Variants in AAK1 observed in about 807,000 individuals in gnomAD.
AAK1 encodes AP2-associated protein kinase 1.
AAK1 carries 37 observed loss-of-function variants against 116.0 expected under a neutral mutation model. The observed-to-expected ratio is 0.32, with a 90% CI of 0.25 to 0.42. The LOEUF (loss-of-function observed/expected upper bound fraction) is 0.42. Ranked by LOEUF, AAK1 falls within the 10% of genes least tolerant of loss-of-function variation. AAK1 has a pLI of 1.00. For missense variants in AAK1, 919 were observed against 1,170.6 expected, an observed-to-expected ratio of 0.79 and a Z score of 3.14; for synonymous variants, 458 against 439.9, an observed-to-expected ratio of 1.04 and a Z score of -0.51.
Position 69,462,779 on chromosome 2 carries a change from G to A in AAK1, c.*13090C>T, listed in dbSNP as rs1027720423. 1.7e-4 allele frequency: 26 copies of A among 152,166 alleles called. No individual in the cohort carries two copies. The highest frequency in any genetic ancestry group is 6.3e-4 in the African/African-American group (26 of 41,434). 9.4% of individuals were successfully genotyped at this position (152,166 alleles called of 1,614,324 possible). On this transcript the variant is annotated 3_prime_UTR_variant, in exon 22 of 22. Coordinates refer to ENST00000409085, the MANE Select transcript of AAK1 (RefSeq NM_014911.5). ...GGGCTTCACTTGATAATGACCATGG[G>A]AAGAATCTGGGGTGCAAAGTTCCAC...
chr2:69,585,667 C>A (rs1168914294), intron 2 of AAK1, among the ~76,000 whole-genome samples: 1 of 152,118 alleles, frequency 6.6e-6, no homozygotes, highest in Non-Finnish European at 1.5e-5. Context: ...TACCAGAAAC[C>A]AAATTTAAGA....
chr2:69,545,881 G>A (rs1419571772), intron 3 of AAK1, among the ~76,000 whole-genome samples: 1 of 152,138 alleles, frequency 6.6e-6, no homozygotes, highest in African/African-American at 2.4e-5. Flanking sequence ...TAGGGCCAGG[G>A]TCTACAGATT....
intron 2 of AAK1, among the ~76,000 whole-genome samples, chr2:69,581,402 G>T (rs1672536481): frequency 6.6e-6 from 1 of 152,204 alleles, no homozygotes; most frequent in Non-Finnish European, 1.5e-5. Context: ...AGCTGGTTTT[G>T]TTTTTTTAAA....
In AAK1 at chr2:69,508,549, A is replaced by G. The variant is rs150526341; in HGVS notation, c.2006+682T>C. ...ACTGGATTTCCAAAGGTTGACTAAGACATGGTCATTGTCTTGGAGAACTCA... is the reference window on the plus strand; with the variant it reads ...ACTGGATTTCCAAAGGTTGACTAAGGCATGGTCATTGTCTTGGAGAACTCA... On this transcript the variant is annotated intron_variant, in intron 14 of 21. Transcript: ENST00000409085. Among the ~76,000 whole-genome samples, 544 of 152,380 alleles carry G rather than the reference A, an allele frequency of 3.6e-3. 2 individuals are homozygous for G. Among genetic ancestry groups the G allele is most frequent in the African/African-American group, 0.012 (506 of 41,598 alleles).
chr2:69,558,822 G>C lies in AAK1; in HGVS notation c.164-1844C>G, dbSNP rs531278096. 3.9e-5 allele frequency among the ~76,000 whole-genome samples: 6 copies of C among 152,212 alleles called. No homozygotes were observed. In the South Asian group the frequency reaches 1.0e-3, roughly 26 times the overall value. ...TTAGGCCTCTGAGAAATAAAGCCTCGGGTCCTGATTATGCCCTTCTAATTC... is the reference window on the plus strand; with the variant it reads ...TTAGGCCTCTGAGAAATAAAGCCTCCGGTCCTGATTATGCCCTTCTAATTC... On this transcript the variant is annotated intron_variant, in intron 2 of 21. Coordinates refer to ENST00000409085, the MANE Select transcript of AAK1 (RefSeq NM_014911.5).
chr2:69,618,597 C>T (rs1023681065), intron 2 of AAK1, among the ~76,000 whole-genome samples: 4 of 152,182 alleles, frequency 2.6e-5, no homozygotes, highest in African/African-American at 9.7e-5. Flanking sequence ...TGAGCTCATG[C>T]CACGTGGCTA....
chr2:69,643,683 G>C lies in AAK1; in HGVS notation c.-343C>G. 6 of 1,222,072 alleles carry C rather than the reference G, an allele frequency of 4.9e-6. No homozygotes were observed. Among genetic ancestry groups the C allele is most frequent in the Non-Finnish European group, 6.1e-6 (6 of 981,798 alleles). The allele number at this position is 1,222,072 out of a possible 1,614,324, so 75.7% of individuals were successfully genotyped here. A position where few individuals can be genotyped will look rare whatever the true frequency, so the allele number is the denominator to read the frequency against. On this transcript the variant is annotated 5_prime_UTR_variant, in exon 1 of 22. Transcript: ENST00000409085. Reference sequence around the variant, plus strand: ...AGGCGGCGCTGCAGCGAGAGCCGGGGCCGCGCTCGGCTCCCGCCCGCCCGC... The same window carrying C: ...AGGCGGCGCTGCAGCGAGAGCCGGGCCCGCGCTCGGCTCCCGCCCGCCCGC...
chr2:69,612,769 T>C (rs1432755538), intron 2 of AAK1, among the ~76,000 whole-genome samples: 10 of 152,196 alleles, frequency 6.6e-5, no homozygotes, highest in African/African-American at 2.4e-4. Flanking sequence ...ATGGAAGACA[T>C]GAGCCAGTTT....
Position 69,530,721 on chromosome 2 carries a change from T to C in AAK1, c.657-15A>G. The stretch of plus-strand genomic sequence containing the variant: ...GCGTTGTGTATCTACAATCAAGAGA[T>C]TCATTTTTTATTAAATATGTCAATA... On this transcript the variant is annotated splice_polypyrimidine_tract_variant and intron_variant, in intron 6 of 21. Coordinates refer to ENST00000409085, the MANE Select transcript of AAK1 (RefSeq NM_014911.5). The C allele has an allele frequency of 2.5e-6, 4 of 1,596,410 alleles. No homozygotes were observed. The highest frequency in any genetic ancestry group is 1.1e-5 in the South Asian group (1 of 90,310).
At chr2:69,491,448 G>T (rs1311694908) in intron 17 of AAK1, among the ~76,000 whole-genome samples, 2 of 152,094 alleles carry the variant, frequency 1.3e-5, no homozygotes, top group African/African-American at 4.8e-5. Flanking sequence ...AAGAAAATTT[G>T]TTTTATAGTG....
In AAK1 at chr2:69,597,944, C is replaced by A. The variant is rs72895394; in HGVS notation, c.164-40966G>T. On this transcript the variant is annotated intron_variant, in intron 2 of 21. Transcript: ENST00000409085. ...CCATCCCTCAAATATGAAAGCCAGA[C>A]AGGCCATTGGAGTTACTTGAGATGA... is the stretch of plus-strand genomic sequence containing the variant. 4.1e-3 allele frequency: 1,106 copies of A among 272,126 alleles called. 15 individuals carry two copies. The highest frequency in any genetic ancestry group is 0.022 in the African/African-American group (1,010 of 45,036). The allele number at this position is 272,126 out of a possible 1,614,324, so 16.9% of individuals were successfully genotyped here. A position where few individuals can be genotyped will look rare whatever the true frequency, so the allele number is the denominator to read the frequency against.
At chr2:69,633,776 T>C (rs1165353288) in intron 2 of AAK1, among the ~76,000 whole-genome samples, 1 of 152,190 alleles carries the variant, frequency 6.6e-6, no homozygotes, top group Non-Finnish European at 1.5e-5. Flanking sequence ...CCAGAGGAAC[T>C]AAGCCAGTAA....
At chr2:69,603,624 G>T (rs1314236279) in intron 2 of AAK1, among the ~76,000 whole-genome samples, 2 of 152,106 alleles carry the variant, frequency 1.3e-5, no homozygotes, top group Non-Finnish European at 2.9e-5. Flanking sequence ...GCTATGAAGG[G>T]CTCTGTGTAG....
intron 3 of AAK1, among the ~76,000 whole-genome samples, chr2:69,554,100 G>A (rs1671295686): frequency 1.3e-5 from 2 of 151,694 alleles, no homozygotes; most frequent in Admixed American, 6.6e-5. Flanking sequence ...AGATACTGGA[G>A]GATCGGCTCC....
chr2:69,611,184 G>T (rs966559845), intron 2 of AAK1, among the ~76,000 whole-genome samples: 5 of 152,210 alleles, frequency 3.3e-5, no homozygotes, highest in Admixed American at 1.3e-4. Context: ...CAATGTGGGT[G>T]GGCACCATCC....
intron 19 of AAK1, among the ~76,000 whole-genome samples, chr2:69,479,488 G>A (rs1675001622): frequency 6.6e-6 from 1 of 152,168 alleles, no homozygotes; most frequent in Non-Finnish European, 1.5e-5. Context: ...CTTAGTGAAT[G>A]CCATTTGGGA....
chr2:69,595,550 A>C (rs1673243835), intron 2 of AAK1, among the ~76,000 whole-genome samples: 1 of 152,206 alleles, frequency 6.6e-6, no homozygotes, highest in Non-Finnish European at 1.5e-5. Context: ...ACTCTCCTCA[A>C]TTCTATGAAG....
chr2:69,552,802 G>A (rs1671234947), intron 3 of AAK1, among the ~76,000 whole-genome samples: 1 of 151,730 alleles, frequency 6.6e-6, no homozygotes, highest in Admixed American at 6.6e-5. Context: ...TTGAGAGCTA[G>A]GCAAAGATTT....
intron 2 of AAK1, among the ~76,000 whole-genome samples, chr2:69,604,342 T>A (rs1361311861): frequency 2.0e-5 from 3 of 152,100 alleles, no homozygotes; most frequent in African/African-American, 7.2e-5. Context: ...GCCTATTTCT[T>A]CTCCTGGTCA....
Sources: gnomAD v4.1 joint callset for allele counts (sites outside exome capture counted in the v4.1 genomes callset) on GRCh38, gnomAD v4.1.1 for gene constraint, MANE v1.5 for transcripts, NCBI Gene and HGNC (gene_info 2026-07-23, HGNC 2026-07-21) for gene names.